POLK: variants seen among roughly 807,000 people sequenced by gnomAD.
The protein encoded by POLK is DNA polymerase kappa, also known as polymerase (DNA directed) kappa.
In POLK, 76 loss-of-function variants were observed where a neutral mutation model predicts 94.0. The ratio of observed to expected loss-of-function variants is 0.81; its 90% confidence interval spans 0.67 to 0.98. POLK has a LOEUF of 0.98. Among genes scored for constraint, POLK ranks in the 50% least tolerant of loss-of-function variants. POLK has a pLI of 0.00. For missense variants in POLK, 954 were observed against 1,010.1 expected, an observed-to-expected ratio of 0.94 and a Z score of 0.75; for synonymous variants, 349 against 325.4, an observed-to-expected ratio of 1.07 and a Z score of -0.78.
chr5:75,603,441 AAGC>A (rs912405460), downstream of POLK, among the ~76,000 whole-genome samples: 1 of 152,058 alleles, frequency 6.6e-6, no homozygotes, highest in Non-Finnish European at 1.5e-5. Flanking sequence ...AAAAAAAAAA[AAGC>A]AGTTTTCAAA....
rs1772674466 is a variant in POLK, at chr5:75,589,649, A to G, written c.1260-695A>G. On this transcript the variant is annotated intron_variant, in intron 10 of 14. Transcript: ENST00000241436. Reference sequence around the variant, plus strand: ...ATTCATAAGAATAAGAAGCTGACACATTGGTTGCCACTAGGGAAGAGAACT... The same window carrying G: ...ATTCATAAGAATAAGAAGCTGACACGTTGGTTGCCACTAGGGAAGAGAACT... 2.6e-5 allele frequency among the ~76,000 whole-genome samples: 4 copies of G among 152,212 alleles called. No individual in the cohort carries two copies. In the South Asian group the frequency reaches 8.3e-4, roughly 32 times the overall value.
intron 2 of POLK, among the ~76,000 whole-genome samples, chr5:75,547,409 T>TA (rs1349988763): frequency 6.6e-6 from 1 of 152,062 alleles, no homozygotes; most frequent in Non-Finnish European, 1.5e-5. Flanking sequence ...CCTTTTTTTT[T>TA]AACCCCAGTG....
chr5:75,584,631 A>G, intron 8 of POLK, 129 bp from the exon 9 acceptor site: 1 of 579,776 alleles, frequency 1.7e-6, no homozygotes, highest in Non-Finnish European at 3.0e-6. Flanking sequence ...ACTTGGCACC[A>G]CTGTACTCCA....
At chr5:75,516,105 T>G (rs1296280708) in intron 1 of POLK, among the ~76,000 whole-genome samples, 1 of 152,244 alleles carries the variant, frequency 6.6e-6, no homozygotes, top group African/African-American at 2.4e-5. Flanking sequence ...TTTGAGCTCC[T>G]TATATATTCT....
intron 1 of POLK, chr5:75,534,789 G>T (rs998260499): frequency 6.6e-6 from 1 of 152,052 alleles, no homozygotes; most frequent in African/African-American, 2.4e-5. Flanking sequence ...AATTACAATA[G>T]CAATCCATGC....
intron 1 of POLK, among the ~76,000 whole-genome samples, chr5:75,543,934 A>G (rs1386485886): frequency 2.0e-5 from 3 of 152,168 alleles, no homozygotes; most frequent in Non-Finnish European, 4.4e-5. Flanking sequence ...CCCAGGCTCA[A>G]GTGAAACTCC....
At chr5:75,559,451 A>C (rs541261767) in intron 3 of POLK, among the ~76,000 whole-genome samples, 1 of 150,834 alleles carries the variant, frequency 6.6e-6, no homozygotes, top group African/African-American at 2.4e-5. Context: ...CATGACAGCT[A>C]TACAGCAAAT....
intron 1 of POLK, chr5:75,534,783 A>G (rs1769365394): frequency 6.6e-6 from 1 of 152,180 alleles, no homozygotes; most frequent in South Asian, 2.1e-4. Context: ...GTCTGAAATT[A>G]CAATAGCAAT....
intron 1 of POLK, among the ~76,000 whole-genome samples, chr5:75,518,611 TTTA>T (rs1167183750): frequency 6.6e-6 from 1 of 152,226 alleles, no homozygotes; most frequent in Non-Finnish European, 1.5e-5. Flanking sequence ...CTCAATTTTA[TTTA>T]CTGCTGTTCT....
At chr5:75,511,442 A>AGCCGCC (rs769638455), upstream of POLK, 5 of 1,535,646 alleles carry the variant, frequency 3.3e-6, no homozygotes, top group Middle Eastern at 2.0e-4. Flanking sequence ...TCCAGCCGTC[A>AGCCGCC]GCCGCCGCCG....
At chr5:75,583,270 C>A in intron 7 of POLK, 23 bp from the exon 8 acceptor site, 2 of 1,549,890 alleles carry the variant, frequency 1.3e-6, no homozygotes, top group South Asian at 2.5e-5. Flanking sequence ...TTCTTTGAGT[C>A]ATCAGAGTAT....
chr5:75,596,110 T>A (rs1773068186), intron 12 of POLK, 112 bp from the exon 13 acceptor site: 1 of 645,514 alleles, frequency 1.5e-6, no homozygotes, highest in African/African-American at 1.8e-5. Context: ...ACTTATAGTT[T>A]CTCTCTAGCC....
intron 1 of POLK, among the ~76,000 whole-genome samples, chr5:75,524,753 A>G (rs1191880173): frequency 2.0e-5 from 3 of 152,224 alleles, no homozygotes; most frequent in Non-Finnish European, 2.9e-5. Flanking sequence ...GAGGGCAGGC[A>G]CAGTAAGGCA....
chr5:75,566,451 A>G (rs1771278048), intron 3 of POLK, among the ~76,000 whole-genome samples: 1 of 152,114 alleles, frequency 6.6e-6, no homozygotes, highest in South Asian at 2.1e-4. Context: ...GTCTGCCCAA[A>G]TGGCCGCCCA....
chr5:75,589,329 T>C lies in POLK; in HGVS notation c.1260-1015T>C, dbSNP rs150165354. Among the ~76,000 whole-genome samples, 27 of 151,758 alleles carry C rather than the reference T, an allele frequency of 1.8e-4. No homozygotes were observed. In the East Asian group the frequency reaches 4.9e-3, roughly 27 times the overall value. ...ACAATGTATCTAAAATTCTACTGTT[T>C]ATATAAAAAATGAGAGGAAAATGTC... is the stretch of plus-strand genomic sequence containing the variant. On this transcript the variant is annotated intron_variant, in intron 10 of 14. Coordinates refer to ENST00000241436, the Ensembl canonical transcript of POLK.
intron 2 of POLK, among the ~76,000 whole-genome samples, chr5:75,552,139 G>C (rs1412302456): frequency 2.0e-5 from 3 of 151,960 alleles, no homozygotes; most frequent in Non-Finnish European, 4.4e-5. Context: ...AACCCACTAA[G>C]GCCTTTGATA....
chr5:75,604,762 G>C (rs757879619), downstream of POLK, among the ~76,000 whole-genome samples: 20 of 152,138 alleles, frequency 1.3e-4, no homozygotes, highest in Non-Finnish European at 8.8e-5. Context: ...TAGGATTTTA[G>C]TAAACCTCAC....
intron 3 of POLK, among the ~76,000 whole-genome samples, chr5:75,556,926 G>A (rs1362211038): frequency 3.3e-5 from 5 of 152,108 alleles, no homozygotes; most frequent in Admixed American, 3.3e-4. Flanking sequence ...AACTCGGGGT[G>A]GTGGCACAGG....
intron 3 of POLK, among the ~76,000 whole-genome samples, chr5:75,565,866 T>C (rs13361353): frequency 6.6e-6 from 1 of 152,140 alleles, no homozygotes; most frequent in Admixed American, 6.5e-5. Flanking sequence ...GAGGAGGCAG[T>C]CTGTTCCTTA....
Sources: allele counts gnomAD v4.1 joint callset (sites outside exome capture counted in the v4.1 genomes callset), GRCh38; gene constraint gnomAD v4.1.1; transcripts MANE v1.5; gene names NCBI Gene and HGNC (gene_info 2026-07-23, HGNC 2026-07-21).